PRELID2: variants seen among roughly 807,000 people sequenced by gnomAD.
PRELID2 encodes the protein PRELI domain-containing protein 2.
PRELID2 carries 25 observed loss-of-function variants against 28.4 expected under a neutral mutation model. The observed-to-expected ratio is 0.88, with a 90% confidence interval of 0.64 to 1.23. PRELID2 has a LOEUF of 1.23. PRELID2 is among the 50% of genes most tolerant of loss of function. The pLI is 0.00. For synonymous variants in PRELID2, 76 were observed against 71.6 expected (o/e 1.06, Z -0.31); for missense variants, 201 against 214.4 (o/e 0.94, Z 0.39).
intron 1 of PRELID2, among the ~76,000 whole-genome samples, chr5:145,684,240 G>A (rs78617933): frequency 0.038 from 5,722 of 152,234 alleles, 374 homozygotes; most frequent in African/African-American, 0.13. Flanking sequence ...AAGAAGCCTC[G>A]ATGGGCTGGG....
chr5:145,685,447 A>G (rs949482574), intron 1 of PRELID2, among the ~76,000 whole-genome samples: 5 of 152,186 alleles, frequency 3.3e-5, no homozygotes, highest in Admixed American at 3.3e-4. Context: ...CTCAGCTTGG[A>G]CATTGCTTCT....
the PRELID2 span, among the ~76,000 whole-genome samples, chr5:145,458,048 C>T: frequency 6.6e-6 from 1 of 152,144 alleles, no homozygotes; most frequent in Non-Finnish European, 1.5e-5. Context: ...GAGATTTTAG[C>T]CACCAACTTG....
chr5:145,482,898 T>C (rs1215151685), intron 1 of PRELID2, among the ~76,000 whole-genome samples: 1 of 151,918 alleles, frequency 6.6e-6, no homozygotes, highest in Non-Finnish European at 1.5e-5. Context: ...GAGAATGTAA[T>C]GTGCTGCTGA....
intron 1 of PRELID2, among the ~76,000 whole-genome samples, chr5:145,657,916 A>G (rs1754423895): frequency 6.6e-6 from 1 of 152,158 alleles, no homozygotes; most frequent in African/African-American, 2.4e-5. Context: ...CATCCTCTCA[A>G]AATCTCAATA....
intron 1 of PRELID2, among the ~76,000 whole-genome samples, chr5:145,518,048 G>T (rs976950513): frequency 8.6e-5 from 13 of 151,774 alleles, no homozygotes; most frequent in South Asian, 2.1e-4. Context: ...GTAGATGGTG[G>T]GTTAATGGGT....
the PRELID2 span, chr5:145,229,913 A>T: frequency 8.0e-6 from 6 of 750,074 alleles, no homozygotes; most frequent in South Asian, 1.4e-5. Context: ...GGGAGTCCCC[A>T]CTGTCTCTCT....
chr5:145,733,695 G>C (rs1214577710), intron 1 of PRELID2, among the ~76,000 whole-genome samples: 1 of 152,120 alleles, frequency 6.6e-6, no homozygotes, highest in East Asian at 1.9e-4. Context: ...TTAACTTAAT[G>C]AGTCTTTCAA....
the PRELID2 span, among the ~76,000 whole-genome samples, chr5:145,384,042 A>C: frequency 1.1e-4 from 17 of 152,322 alleles, no homozygotes; most frequent in Non-Finnish European, 2.2e-4. Context: ...ACTAACGGCC[A>C]GTATGCACAT....
At chr5:145,501,404 C>T (rs1390336177) in intron 1 of PRELID2, among the ~76,000 whole-genome samples, 1 of 152,138 alleles carries the variant, frequency 6.6e-6, no homozygotes, top group African/African-American at 2.4e-5. Context: ...TATGGTTTGG[C>T]TGTGTCCCCA....
At chr5:145,667,925 T>C (rs1040691616) in intron 1 of PRELID2, among the ~76,000 whole-genome samples, 2 of 152,196 alleles carry the variant, frequency 1.3e-5, no homozygotes, top group South Asian at 4.1e-4. Context: ...ATTCTAGAAG[T>C]CACCCAGTGA....
intron 1 of PRELID2, among the ~76,000 whole-genome samples, chr5:145,642,017 T>C (rs1204573168): frequency 6.6e-6 from 1 of 152,200 alleles, no homozygotes; most frequent in Admixed American, 6.5e-5. Context: ...TAAAATCCTT[T>C]GGGTATATAT....
intron 5 of PRELID2, among the ~76,000 whole-genome samples, chr5:145,786,729 AAAT>A (rs1228380463): frequency 6.6e-6 from 1 of 152,230 alleles, no homozygotes; most frequent in Non-Finnish European, 1.5e-5. Flanking sequence ...TACTTTACAA[AAAT>A]AATGCCACCA....
chr5:145,404,534 G>C, the PRELID2 span, among the ~76,000 whole-genome samples: 1 of 152,224 alleles, frequency 6.6e-6, no homozygotes, highest in Non-Finnish European at 1.5e-5. Context: ...AGAGTAGTGG[G>C]AGAGACTGAC....
the PRELID2 span, among the ~76,000 whole-genome samples, chr5:145,369,670 G>C: frequency 4.0e-5 from 6 of 151,896 alleles, no homozygotes; most frequent in African/African-American, 4.8e-5. Context: ...TGGTATTTCT[G>C]ATTCTAGATC....
the PRELID2 span, among the ~76,000 whole-genome samples, chr5:145,259,240 T>C: frequency 6.6e-6 from 1 of 152,094 alleles, no homozygotes; most frequent in Admixed American, 6.5e-5. Context: ...AGGGGAAATA[T>C]GGGATTTGAG....
At chr5:145,616,433 C>T (rs1443789751) in intron 1 of PRELID2, among the ~76,000 whole-genome samples, 3 of 152,050 alleles carry the variant, frequency 2.0e-5, no homozygotes, top group African/African-American at 7.2e-5. Context: ...AATTCACCCC[C>T]GATATTTCAC....
At chr5:145,823,167 T>C in intron 1 of PRELID2, 33 bp from the exon 2 acceptor site, 1 of 1,047,226 alleles carries the variant, frequency 9.5e-7, no homozygotes, top group Non-Finnish European at 1.5e-6. Flanking sequence ...GAATTACCAT[T>C]AATCTTCTAC....
At chr5:145,376,509 T>C in the PRELID2 span, among the ~76,000 whole-genome samples, 1 of 152,176 alleles carries the variant, frequency 6.6e-6, no homozygotes, top group Non-Finnish European at 1.5e-5. Flanking sequence ...AGAATTCACC[T>C]GTGAATCCAT....
chr5:145,280,135 G>T, the PRELID2 span, among the ~76,000 whole-genome samples: 1 of 152,094 alleles, frequency 6.6e-6, no homozygotes, highest in Admixed American at 6.6e-5. Context: ...TGACAGATAG[G>T]GTTCAGGGGA....
Sources: allele counts gnomAD v4.1 joint callset (sites outside exome capture counted in the v4.1 genomes callset), GRCh38; gene constraint gnomAD v4.1.1; transcripts MANE v1.5; gene names NCBI Gene and HGNC (gene_info 2026-07-23, HGNC 2026-07-21).